The following LAMA1 variants were observed in gnomAD, a reference collection of about 807,000 sequenced individuals.
LAMA1 encodes the protein laminin subunit alpha 1, also known as laminin subunit alpha-1.
Under a neutral mutation model 348.7 loss-of-function variants are expected in LAMA1, and 219 were observed. The ratio of observed to expected loss-of-function variants is 0.63; its 90% CI spans 0.56 to 0.70. The LOEUF is 0.70. Among genes scored for constraint, LAMA1 ranks in the 30% least tolerant of loss-of-function variants. The pLI, the probability that LAMA1 is intolerant of heterozygous loss-of-function variation, is 0.00. For missense variants in LAMA1, 3,744 were observed against 3,888.0 expected (o/e 0.96, Z 0.99); for synonymous variants, 1,487 against 1,491.0 (o/e 1.00, Z 0.06).
chr18:7,086,896 G>C (rs1361072255), intron 1 of LAMA1, among the ~76,000 whole-genome samples: 1 of 146,768 alleles, frequency 6.8e-6, no homozygotes, highest in Non-Finnish European at 1.5e-5. Flanking sequence ...TTTTACCTTA[G>C]TAAACTACCA....
chr18:6,969,246 C>A (rs1723105171), intron 48 of LAMA1, among the ~76,000 whole-genome samples: 1 of 152,008 alleles, frequency 6.6e-6, no homozygotes, highest in Non-Finnish European at 1.5e-5. Context: ...GGACTACAGG[C>A]GCACGCCACC....
At position 6,965,399 on chromosome 18, in the gene LAMA1, TGCCA is replaced by T. The variant is rs767401023; in HGVS notation, c.7080_7083del (p.Gly2361GlufsTer2). On this transcript the variant is annotated frameshift_variant, in exon 50 of 63. Coordinates refer to ENST00000389658, the MANE Select transcript of LAMA1 (RefSeq NM_005559.4). LOFTEE classifies it high-confidence loss of function. Reference sequence around the variant, plus strand: ...CCCAGGTCAGTCATAACCTTCACTCTGCCACGAAACAGCTCGATGGATAAAAAGT... The same window carrying T: ...CCCAGGTCAGTCATAACCTTCACTCTCGAAACAGCTCGATGGATAAAAAGT... 6.2e-7 allele frequency: 1 copy of T among 1,614,032 alleles called. No individual in the cohort carries two copies. Among genetic ancestry groups the T allele is most frequent in the African/African-American group, 1.3e-5 (1 of 74,908 alleles).
rs746980743 is a variant in LAMA1 at position 7,023,204 on chromosome 18, G to T, written c.2661C>A (p.Asp887Glu). ...CTGTCACAGCGTCCCCATAGAACCC[G>T]TCAGCACACCTTTCACAGTGGGCGC... Reference protein sequence around the residue: ...TDGAHCERCADGFYGDAVTAK... With the variant: ...TDGAHCERCAEGFYGDAVTAK... Residue 887 changes from aspartate to glutamate, a missense_variant, in exon 19 of 63, where the codon GAC (aspartate) becomes GAA (glutamate). Asp to Glu is a conservative substitution (Grantham distance 45). Coordinates refer to ENST00000389658, the MANE Select transcript of LAMA1 (RefSeq NM_005559.4). 6.2e-7 allele frequency: 1 copy of T among 1,613,312 alleles called. No individual in the cohort carries two copies. The highest frequency in any genetic ancestry group is 1.3e-5 in the African/African-American group (1 of 74,888).
chr18:7,098,151 C>T (rs1375717957), intron 1 of LAMA1, among the ~76,000 whole-genome samples: 1 of 151,864 alleles, frequency 6.6e-6, no homozygotes, highest in Non-Finnish European at 1.5e-5. Flanking sequence ...TCACTCAGTG[C>T]TCAATGGTGC....
At chr18:7,076,956 G>A (rs1162524431) in intron 3 of LAMA1, 3 of 151,996 alleles carry the variant, frequency 2.0e-5, no homozygotes, top group African/African-American at 7.3e-5. Flanking sequence ...ATATGCAAAA[G>A]TGTTTGTAAT....
intron 3 of LAMA1, among the ~76,000 whole-genome samples, chr18:7,073,349 A>G (rs938374724): frequency 1.3e-5 from 2 of 152,174 alleles, no homozygotes; most frequent in Non-Finnish European, 2.9e-5. Flanking sequence ...TGCAATGATC[A>G]CTACCATCTA....
At chr18:6,975,169 C>T in intron 45 of LAMA1, 133 bp from the exon 46 acceptor site, 1 of 1,115,014 alleles carries the variant, frequency 9.0e-7, no homozygotes. Context: ...GCAAACCCCC[C>T]AAATCTATTT....
chr18:7,031,948 G>C (rs945042452), intron 16 of LAMA1, 118 bp downstream of exon 16: 9 of 694,032 alleles, frequency 1.3e-5, no homozygotes, highest in Admixed American at 5.4e-5. Context: ...ATTTTCTTTG[G>C]GGTCTATGAG....
intron 1 of LAMA1, among the ~76,000 whole-genome samples, chr18:7,091,615 C>T (rs550483148): frequency 3.3e-5 from 5 of 152,348 alleles, no homozygotes; most frequent in African/African-American, 1.2e-4. Context: ...AAAACTTTAG[C>T]ATCCTTGTTT....
chr18:7,106,644 G>A (rs1271490889), intron 1 of LAMA1, among the ~76,000 whole-genome samples: 1 of 152,158 alleles, frequency 6.6e-6, no homozygotes, highest in Admixed American at 6.5e-5. Context: ...ACAGGCGTGA[G>A]CCACCGCGCC....
At chr18:6,975,791 C>T (rs926489011) in intron 45 of LAMA1, 146 bp downstream of exon 45, 83 of 916,582 alleles carry the variant, frequency 9.1e-5, no homozygotes, top group Non-Finnish European at 1.3e-4. Flanking sequence ...TCATCTAATG[C>T]TACCATTTTA....
chr18:7,111,076 T>C (rs1321725907), intron 1 of LAMA1, among the ~76,000 whole-genome samples: 3 of 152,180 alleles, frequency 2.0e-5, no homozygotes, highest in Non-Finnish European at 2.9e-5. Flanking sequence ...TAAATACTCA[T>C]TGATCTAAAT....
rs773451987 is a variant in LAMA1 at position 7,011,468 on chromosome 18, G to A, written c.3519C>T (p.Gly1173=). The change falls in exon 25 of 63, where the codon GGC becomes GGT. Residue 1173 remains glycine, a synonymous_variant. Coordinates refer to ENST00000389658, the MANE Select transcript of LAMA1 (RefSeq NM_005559.4). ...CCACACGCAGAAGAGGCTGATCGGA[G>A]CCCAGCGTTACCTAAACCACGAAAG... ...EDYVRTPVTL[G]SDQPLLRVVS... The A allele has an allele frequency of 1.2e-6, 2 of 1,604,192 alleles. No individual in the cohort carries two copies. Among genetic ancestry groups the A allele is most frequent in the Non-Finnish European group, 1.7e-6 (2 of 1,175,758 alleles).
chr18:7,026,828 T>C (rs975053640), intron 16 of LAMA1, among the ~76,000 whole-genome samples: 1 of 151,916 alleles, frequency 6.6e-6, no homozygotes, highest in Non-Finnish European at 1.5e-5. Context: ...AAACCCCATC[T>C]CTACTAAAAA....
chr18:7,058,912 A>T (rs1438761266), intron 3 of LAMA1, among the ~76,000 whole-genome samples: 1 of 152,080 alleles, frequency 6.6e-6, no homozygotes, highest in Non-Finnish European at 1.5e-5. Context: ...TTTTTGAGAC[A>T]AAGTTTCTCT....
intron 29 of LAMA1, among the ~76,000 whole-genome samples, chr18:7,003,706 A>T (rs956899231): frequency 6.6e-6 from 1 of 152,198 alleles, no homozygotes; most frequent in African/African-American, 2.4e-5. Context: ...GGTTTCCAGG[A>T]TCAGTGAGGA....
intron 3 of LAMA1, among the ~76,000 whole-genome samples, chr18:7,055,651 C>T (rs1474739123): frequency 6.6e-6 from 1 of 152,026 alleles, no homozygotes; most frequent in Non-Finnish European, 1.5e-5. Flanking sequence ...TCATTATAGT[C>T]ACTCTTTCCA....
At chr18:7,024,653 C>G (rs951282380) in intron 17 of LAMA1, among the ~76,000 whole-genome samples, 187 bp from the exon 18 acceptor site, 1 of 152,200 alleles carries the variant, frequency 6.6e-6, no homozygotes, top group Non-Finnish European at 1.5e-5. Flanking sequence ...GACTCCTGGT[C>G]CCATGATCCA....
At chr18:7,037,485 T>C in intron 12 of LAMA1, 93 bp downstream of exon 12, 6 of 1,424,990 alleles carry the variant, frequency 4.2e-6, no homozygotes, top group Non-Finnish European at 4.9e-6. Context: ...AGGTGCCCTA[T>C]GAGACTACCT....
Sources: allele counts gnomAD v4.1 joint callset (sites outside exome capture counted in the v4.1 genomes callset), GRCh38; gene constraint gnomAD v4.1.1; transcripts MANE v1.5; gene names NCBI Gene and HGNC (gene_info 2026-07-23, HGNC 2026-07-21).